The following TAFA5 variants were observed in gnomAD, a reference collection of about 807,000 sequenced individuals.
TAFA5 encodes TAFA chemokine like family member 5.
TAFA5 carries 6 observed loss-of-function variants against 15.3 expected under a neutral mutation model. The ratio of observed to expected loss-of-function variants is 0.39; its 90% CI spans 0.21 to 0.77. TAFA5 has a LOEUF of 0.77. Ranked by LOEUF, TAFA5 falls within the 30% of genes least tolerant of loss-of-function variation. TAFA5 has a pLI of 0.41. For synonymous variants in TAFA5, 103 were observed against 80.7 expected (o/e 1.28, Z -1.48); for missense variants, 161 against 193.1 (o/e 0.83, Z 0.98).
chr22:48,569,785 AT>A (rs1373916056), intron 1 of TAFA5, among the ~76,000 whole-genome samples: 1 of 152,166 alleles, frequency 6.6e-6, no homozygotes, highest in East Asian at 1.9e-4. Context: ...GGTGAGGCCC[AT>A]GGCTGCCTTC....
chr22:48,690,609 C>T (rs1398899373), intron 2 of TAFA5, among the ~76,000 whole-genome samples: 1 of 152,182 alleles, frequency 6.6e-6, no homozygotes, highest in Non-Finnish European at 1.5e-5. Flanking sequence ...TCTTTGTGGG[C>T]AATTCACCCT....
intron 1 of TAFA5, among the ~76,000 whole-genome samples, chr22:48,581,194 AGGACT>A (rs1331402284): frequency 1.3e-5 from 2 of 152,246 alleles, no homozygotes; most frequent in Non-Finnish European, 2.9e-5. Flanking sequence ...AGAATATAAA[AGGACT>A]GGAAATGGAG....
intron 1 of TAFA5, among the ~76,000 whole-genome samples, chr22:48,600,567 CGT>C (rs35250173): frequency 0.76 from 115,227 of 152,068 alleles, 43,841 homozygotes; most frequent in Admixed American, 0.8. Flanking sequence ...CGTGTGATTT[CGT>C]GTGTGTGTGC....
intron 1 of TAFA5, among the ~76,000 whole-genome samples, chr22:48,606,950 C>T (rs1271119302): frequency 8.3e-5 from 12 of 144,090 alleles, no homozygotes; most frequent in Admixed American, 8.0e-4. Flanking sequence ...CCACTCTGTG[C>T]CCAGGGCAAG....
chr22:48,647,425 G>C (rs1926906776), intron 2 of TAFA5, among the ~76,000 whole-genome samples: 1 of 152,138 alleles, frequency 6.6e-6, no homozygotes, highest in Admixed American at 6.5e-5. Context: ...CCTGTCATCT[G>C]GTAGGGAACT....
chr22:48,505,577 G>A (rs1341914305), intron 1 of TAFA5, among the ~76,000 whole-genome samples: 6 of 152,226 alleles, frequency 3.9e-5, no homozygotes. Flanking sequence ...ATGGCCAGCG[G>A]GGCACTGCCA....
intron 1 of TAFA5, chr22:48,576,626 G>C: frequency 7.6e-7 from 1 of 1,314,618 alleles, no homozygotes; most frequent in African/African-American, 1.5e-5. Context: ...GGCTCGCGGC[G>C]GCTCCGGCGC....
At chr22:48,517,373 G>A (rs111229666) in intron 1 of TAFA5, among the ~76,000 whole-genome samples, 9 of 152,166 alleles carry the variant, frequency 5.9e-5, no homozygotes, top group Non-Finnish European at 8.8e-5. Context: ...CCTGGCCACT[G>A]GGACGGCTGG....
At chr22:48,662,861 C>A (rs1248465731) in intron 2 of TAFA5, among the ~76,000 whole-genome samples, 2 of 152,202 alleles carry the variant, frequency 1.3e-5, no homozygotes, top group African/African-American at 4.8e-5. Flanking sequence ...ATGGTGGCCT[C>A]CCCCAATCCT....
chr22:48,709,900 G>T (rs1450960597), intron 3 of TAFA5, among the ~76,000 whole-genome samples: 9 of 152,268 alleles, frequency 5.9e-5, no homozygotes, highest in Admixed American at 3.3e-4. Flanking sequence ...ACAGGATTGG[G>T]TCCTTACCTG....
intron 3 of TAFA5, among the ~76,000 whole-genome samples, chr22:48,724,716 A>G (rs1929666638): frequency 6.6e-6 from 1 of 152,208 alleles, no homozygotes; most frequent in African/African-American, 2.4e-5. Context: ...GACCTCCTGT[A>G]ATGCACAAAA....
Position 48,749,871 on chromosome 22 carries a change from C to A in TAFA5, c.*24C>A. 9 of 1,554,324 alleles carry A rather than the reference C, an allele frequency of 5.8e-6. No homozygotes were observed. The highest frequency in any genetic ancestry group is 7.8e-6 in the Non-Finnish European group (9 of 1,148,308). ...GACAAACACAGCCCCTGAGGGGCCC[C>A]GGGAGTGGCCTTGGCTCCCTGGAGA... is the stretch of plus-strand genomic sequence containing the variant. On this transcript the variant is annotated 3_prime_UTR_variant, in exon 4 of 4. Transcript: ENST00000402357.
chr22:48,610,223 C>G (rs767637091), intron 1 of TAFA5, among the ~76,000 whole-genome samples: 4 of 152,026 alleles, frequency 2.6e-5, no homozygotes, highest in African/African-American at 4.8e-5. Context: ...GCTGCAGGCA[C>G]GTTCCTGAGG....
At chr22:48,747,902 A>T (rs2147278746) in intron 3 of TAFA5, among the ~76,000 whole-genome samples, 1 of 151,932 alleles carries the variant, frequency 6.6e-6, no homozygotes, top group Non-Finnish European at 1.5e-5. Context: ...GTCTAAAAAA[A>T]AAAAAAAAAA....
At chr22:48,493,960 G>C (rs145870864) in intron 1 of TAFA5, among the ~76,000 whole-genome samples, 2 of 152,256 alleles carry the variant, frequency 1.3e-5, no homozygotes, top group Non-Finnish European at 2.9e-5. Flanking sequence ...GGCCAGAAGG[G>C]GGGTCTCCAC....
At chr22:48,567,559 GC>G (rs1293668220) in intron 1 of TAFA5, among the ~76,000 whole-genome samples, 12 of 152,338 alleles carry the variant, frequency 7.9e-5, no homozygotes, top group African/African-American at 2.9e-4. Context: ...GGTGGGCATG[GC>G]TGGCAGGGCT....
intron 1 of TAFA5, among the ~76,000 whole-genome samples, chr22:48,638,683 C>G (rs1172848062): frequency 1.4e-5 from 2 of 144,224 alleles, no homozygotes; most frequent in African/African-American, 2.7e-5. Flanking sequence ...GCAATACCAC[C>G]CCCCTGGACA....
chr22:48,693,112 G>A, intron 2 of TAFA5: 1 of 630,952 alleles, frequency 1.6e-6, no homozygotes, highest in Non-Finnish European at 2.7e-6. Flanking sequence ...CGCCCACTCG[G>A]ATTCCCAGTA....
intron 3 of TAFA5, among the ~76,000 whole-genome samples, chr22:48,718,623 G>A (rs995775139): frequency 3.3e-5 from 5 of 152,136 alleles, no homozygotes; most frequent in African/African-American, 4.8e-5. Context: ...CAGCCAAGCC[G>A]GGGCCTTGGG....
Sources: allele counts gnomAD v4.1 joint callset (sites outside exome capture counted in the v4.1 genomes callset), GRCh38; gene constraint gnomAD v4.1.1; transcripts MANE v1.5; gene names NCBI Gene and HGNC (gene_info 2026-07-23, HGNC 2026-07-21).